The following NELFA variants were observed in gnomAD, a reference collection of about 807,000 sequenced individuals.
NELFA encodes negative elongation factor A.
NELFA carries 35 observed loss-of-function variants against 51.8 expected under a neutral mutation model. That is an observed-to-expected ratio of 0.68 (90% CI 0.52 to 0.90). The LOEUF (loss-of-function observed/expected upper bound fraction) is 0.90, where lower values mean the gene tolerates loss of function less well. Among genes scored for constraint, NELFA ranks in the 40% least tolerant of loss-of-function variants. The pLI, the probability that NELFA is intolerant of heterozygous loss-of-function variation, is 0.00. For missense variants in NELFA, 658 were observed against 746.4 expected, an observed-to-expected ratio of 0.88 and a Z score of 1.38; for synonymous variants, 417 against 338.4, an observed-to-expected ratio of 1.23 and a Z score of -2.55.
At chr4:2,000,333 A>C (rs1247729212) in intron 1 of NELFA, among the ~76,000 whole-genome samples, 1 of 152,128 alleles carries the variant, frequency 6.6e-6, no homozygotes, top group Non-Finnish European at 1.5e-5. Flanking sequence ...CTCCCCCCCA[A>C]AAAATATCAA....
Position 1,983,513 on chromosome 4 carries a change from G to C in NELFA, c.1403-10C>G, listed in dbSNP as rs370553588. 9 of 1,613,388 alleles carry C rather than the reference G, an allele frequency of 5.6e-6. No homozygotes were observed. Among genetic ancestry groups the C allele is most frequent in the Non-Finnish European group, 7.6e-6 (9 of 1,179,656 alleles). ...TCCTGGCACGGGTTCTCTGCAGAGA[G>C]CAGGAGCTGCTGGGTGGGTGTCTGG... On this transcript the variant is annotated splice_polypyrimidine_tract_variant and intron_variant, in intron 10 of 10. Transcript: ENST00000382882.
Position 1,983,278 on chromosome 4 carries a change from T to C in NELFA, c.*41A>G, listed in dbSNP as rs1389524191. 6.3e-7 allele frequency: 1 copy of C among 1,582,546 alleles called. No homozygotes were observed. On this transcript the variant is annotated 3_prime_UTR_variant, in exon 11 of 11. Coordinates refer to ENST00000382882, the MANE Select transcript of NELFA (RefSeq NM_005663.5). Reference sequence around the variant, plus strand: ...TTAAGCTGGCAAAGCCATCGTCCCGTGGACCCCCACAAGTGACGGCCAGCT... The same window carrying C: ...TTAAGCTGGCAAAGCCATCGTCCCGCGGACCCCCACAAGTGACGGCCAGCT...
chr4:1,989,088 G>GGC lies in NELFA; in HGVS notation c.544+618_544+619dup, dbSNP rs761165941. On this transcript the variant is annotated intron_variant, in intron 3 of 10. Transcript: ENST00000382882. This position sits in a 1 kb window ranked among gnomAD's most constrained non-coding sequence, Gnocchi z 4.8. ...AGCCTCCCAAGCAACTGGGATTACA[G>GGC]GCATGCACCACCACAGCCAGCTAAT... 1.3e-5 allele frequency among the ~76,000 whole-genome samples: 2 copies of GGC among 151,960 alleles called. No homozygotes were observed. The highest frequency in any genetic ancestry group is 2.9e-5 in the Non-Finnish European group (2 of 68,014).
intron 1 of NELFA, 105 bp downstream of exon 1, chr4:2,008,645 T>G (rs1577635274): frequency 6.2e-5 from 68 of 1,092,874 alleles, no homozygotes; most frequent in African/African-American, 9.9e-5. Flanking sequence ...TGAAGGGGGA[T>G]GGGAAGGTTG....
chr4:1,983,952 G>T lies in NELFA; in HGVS notation c.1198C>A (p.Pro400Thr). Reference sequence around the variant, plus strand: ...TGAGTGGTAGGGGCGACAGCCGGAGGTGTGGTGGGTGTCAGAGGCGAGGTG... The same window carrying T: ...TGAGTGGTAGGGGCGACAGCCGGAGTTGTGGTGGGTGTCAGAGGCGAGGTG... ...APTSPLTPTT[P>T]PAVAPTTQTP... Residue 400 changes from proline (P) to threonine (T), a missense_variant, in exon 9 of 11, where the codon CCT becomes ACT. This residue lies in a region of NELFA where 200 missense variants were observed against 167.9 expected (regional missense o/e 1.19). Transcript: ENST00000382882. 6.2e-7 allele frequency: 1 copy of T among 1,611,684 alleles called. No homozygotes were observed. The highest frequency in any genetic ancestry group is 8.5e-7 in the Non-Finnish European group (1 of 1,179,534).
rs748960267 is a variant in NELFA at position 2,008,911 on chromosome 4, G to A, written c.49C>T (p.Leu17=). The change falls in exon 1 of 11, where the codon CTG becomes TTG. Residue 17 remains leucine, a synonymous_variant. Transcript: ENST00000382882. ...SDTGLWLHNK[L]GATDELWAPP... ...GCCCACAGCTCGTCCGTGGCCCCCA[G>A]CTTGTTGTGCAGCCACAGGCCCGTG... is the stretch of plus-strand genomic sequence containing the variant. 3.8e-6 allele frequency: 6 copies of A among 1,580,778 alleles called. No homozygotes were observed. Among genetic ancestry groups the A allele is most frequent in the Middle Eastern group, 1.7e-4 (1 of 6,040 alleles).
At chr4:2,001,331 C>G (rs1728561219) in intron 1 of NELFA, among the ~76,000 whole-genome samples, 1 of 152,098 alleles carries the variant, frequency 6.6e-6, no homozygotes, top group Non-Finnish European at 1.5e-5. Context: ...AAAGAGTATT[C>G]AAATAGGAAG....
At chr4:2,001,518 C>CA in intron 1 of NELFA, among the ~76,000 whole-genome samples, 1 of 152,308 alleles carries the variant, frequency 6.6e-6, no homozygotes, top group East Asian at 1.9e-4. Context: ...AACTCCCATT[C>CA]AAAATCACTA....
intron 7 of NELFA, 101 bp downstream of exon 7, chr4:1,985,675 T>A (rs1240895263): frequency 3.6e-6 from 3 of 840,324 alleles, no homozygotes; most frequent in Non-Finnish European, 5.8e-6. Flanking sequence ...CATATGTACA[T>A]ACATATATAT....
At chr4:1,987,805 C>T in intron 4 of NELFA, 113 bp downstream of exon 4, 2 of 896,132 alleles carry the variant, frequency 2.2e-6, no homozygotes, top group East Asian at 2.8e-5. Context: ...CCCAACACTG[C>T]TGCCTGAAGA....
At chr4:2,005,531 A>C (rs1728688147) in intron 1 of NELFA, among the ~76,000 whole-genome samples, 1 of 152,094 alleles carries the variant, frequency 6.6e-6, no homozygotes, top group African/African-American at 2.4e-5. Context: ...ATCTCTACTA[A>C]AAATACAAAA....
chr4:1,984,930 G>C lies in NELFA; in HGVS notation c.925-11C>G. ...CAGGGACCCAAGTTTCTGGAACACA[G>C]AGTTTAAGGTTCCTTCCAGAAGAGG... On this transcript the variant is annotated splice_polypyrimidine_tract_variant and intron_variant, in intron 7 of 10. Transcript: ENST00000382882. The C allele has an allele frequency of 6.4e-7, 1 of 1,551,070 alleles. No individual in the cohort carries two copies. The highest frequency in any genetic ancestry group is 1.2e-5 in the South Asian group (1 of 83,946).
rs1727921818 is a variant in NELFA at position 1,982,745 on chromosome 4, TAATG to T, written c.*570_*573del. On this transcript the variant is annotated 3_prime_UTR_variant, in exon 11 of 11. Transcript: ENST00000382882. ...GGCTTTCTTTAGAAAAGCTCGACTT[TAATG>T]GTTCAGATAGTTTTACAATGAAAAT... 6.6e-6 allele frequency: 1 copy of T among 152,508 alleles called. No homozygotes were observed. 9.4% of individuals were successfully genotyped at this position (152,508 alleles called of 1,614,324 possible).
At chr4:1,999,692 G>A (rs1728522453) in intron 1 of NELFA, among the ~76,000 whole-genome samples, 2 of 152,046 alleles carry the variant, frequency 1.3e-5, no homozygotes, top group Admixed American at 6.5e-5. Flanking sequence ...AATAATAGGG[G>A]GAGACTTTAA....
chr4:1,992,482 G>T, intron 1 of NELFA: 1 of 433,020 alleles, frequency 2.3e-6, no homozygotes, highest in Non-Finnish European at 4.6e-6. Flanking sequence ...AGAGAGCCAG[G>T]CCATGGCGTG....
chr4:1,995,039 T>C (rs1381344283), intron 1 of NELFA, among the ~76,000 whole-genome samples: 1 of 152,164 alleles, frequency 6.6e-6, no homozygotes, highest in Non-Finnish European at 1.5e-5. Context: ...TGTGAGGATG[T>C]TTCTACATAA....
chr4:1,998,877 C>T (rs1244628853), intron 1 of NELFA, among the ~76,000 whole-genome samples: 1 of 152,136 alleles, frequency 6.6e-6, no homozygotes, highest in East Asian at 1.9e-4. Context: ...GAAGGAAAAA[C>T]TGTTCAGAGC....
intron 2 of NELFA, 148 bp downstream of exon 2, chr4:1,991,396 G>C: frequency 2.6e-6 from 2 of 769,216 alleles, no homozygotes; most frequent in South Asian, 3.6e-5. Flanking sequence ...GCTTACGGGG[G>C]AGGATGGTGC....
At chr4:2,008,636 G>A in intron 1 of NELFA, 114 bp downstream of exon 1, 2 of 1,297,328 alleles carry the variant, frequency 1.5e-6, no homozygotes, top group Non-Finnish European at 2.1e-6. Flanking sequence ...TTAACAGTCT[G>A]AAGGGGGATG....
Sources: gnomAD v4.1 joint callset for allele counts (sites outside exome capture counted in the v4.1 genomes callset) on GRCh38, gnomAD v4.1.1 for gene constraint, gnomAD v4.1.1 regional missense constraint, Gnocchi (gnomAD v3.1) non-coding constraint, MANE v1.5 for transcripts, NCBI Gene and HGNC (gene_info 2026-07-23, HGNC 2026-07-21) for gene names.